The following FAM135B variants were observed in gnomAD, a reference collection of about 807,000 sequenced individuals.
The protein encoded by FAM135B is family with sequence similarity 135 member B, also known as protein FAM135B.
In FAM135B, 43 loss-of-function variants were observed where a neutral mutation model predicts 127.7. The observed-to-expected ratio is 0.34, with a 90% CI of 0.26 to 0.43. FAM135B has a LOEUF of 0.43. FAM135B is among the 20% of genes least tolerant of loss of function. FAM135B has a pLI of 1.00. For missense variants in FAM135B, 1,558 were observed against 1,725.6 expected (o/e 0.90, Z 1.72); for synonymous variants, 670 against 665.1 (o/e 1.01, Z -0.11).
intron 9 of FAM135B, among the ~76,000 whole-genome samples, chr8:138,184,073 G>C (rs1176844444): frequency 6.6e-6 from 1 of 152,342 alleles, no homozygotes; most frequent in Admixed American, 6.5e-5. Context: ...TCAGATCCCA[G>C]GATCTCAGAT....
chr8:138,214,576 G>A (rs1290444047), intron 7 of FAM135B, among the ~76,000 whole-genome samples: 1 of 152,152 alleles, frequency 6.6e-6, no homozygotes, highest in Admixed American at 6.5e-5. Flanking sequence ...AAAGATGTCT[G>A]CATCATTCTG....
intron 11 of FAM135B, among the ~76,000 whole-genome samples, chr8:138,168,414 TG>T (rs1157717329): frequency 6.6e-6 from 1 of 152,170 alleles, no homozygotes; most frequent in African/African-American, 2.4e-5. Context: ...AAAATGTAAA[TG>T]TATGTATCTT....
intron 1 of FAM135B, chr8:138,459,451 C>T (rs1045708001): frequency 6.6e-6 from 1 of 152,196 alleles, no homozygotes; most frequent in Non-Finnish European, 1.5e-5. Flanking sequence ...CCGTGACAGT[C>T]TGTCACTAGA....
At chr8:138,293,315 A>G (rs1038882967) in intron 3 of FAM135B, among the ~76,000 whole-genome samples, 21 of 152,134 alleles carry the variant, frequency 1.4e-4, no homozygotes, top group Non-Finnish European at 2.5e-4. Context: ...ACAACCTAGG[A>G]AAAACTCTTC....
chr8:138,224,687 C>T (rs1311271445), intron 7 of FAM135B, among the ~76,000 whole-genome samples: 4 of 152,074 alleles, frequency 2.6e-5, no homozygotes, highest in African/African-American at 4.8e-5. Context: ...CCCCAAAGTT[C>T]GTATGTTGAA....
chr8:138,376,787 A>T (rs957086087), intron 1 of FAM135B, among the ~76,000 whole-genome samples: 2 of 152,234 alleles, frequency 1.3e-5, no homozygotes, highest in Non-Finnish European at 2.9e-5. Flanking sequence ...TCAGTCACTC[A>T]TCATCAGTAG....
At chr8:138,373,724 G>A (rs1349620997) in intron 1 of FAM135B, among the ~76,000 whole-genome samples, 4 of 152,166 alleles carry the variant, frequency 2.6e-5, no homozygotes, top group African/African-American at 9.6e-5. Context: ...CCCTGAGGGT[G>A]AGTCTCTAAA....
intron 2 of FAM135B, among the ~76,000 whole-genome samples, chr8:138,347,580 TA>T (rs2131096604): frequency 6.6e-6 from 1 of 152,326 alleles, no homozygotes; most frequent in African/African-American, 2.4e-5. Flanking sequence ...GCTGCTTTTA[TA>T]ATTAACAGCC....
intron 1 of FAM135B, among the ~76,000 whole-genome samples, chr8:138,447,494 G>A (rs1836245359): frequency 1.3e-5 from 2 of 152,156 alleles, no homozygotes; most frequent in African/African-American, 4.8e-5. Flanking sequence ...ATGAGTTCAT[G>A]TCCTTCGTAG....
intron 1 of FAM135B, among the ~76,000 whole-genome samples, chr8:138,429,918 A>C (rs1835102599): frequency 6.6e-6 from 1 of 152,170 alleles, no homozygotes. Context: ...TCTAGGTCAT[A>C]CAGTCATACA....
intron 2 of FAM135B, among the ~76,000 whole-genome samples, chr8:138,314,180 C>T (rs1329160888): frequency 6.6e-6 from 1 of 152,090 alleles, no homozygotes; most frequent in African/African-American, 2.4e-5. Flanking sequence ...AATGAATCAA[C>T]AGTACATATT....
chr8:138,384,229 C>G (rs1043164378), intron 1 of FAM135B, among the ~76,000 whole-genome samples: 2 of 152,154 alleles, frequency 1.3e-5, no homozygotes, highest in Non-Finnish European at 2.9e-5. Flanking sequence ...TGCAATGGGC[C>G]GGGCCTACCC....
intron 2 of FAM135B, among the ~76,000 whole-genome samples, chr8:138,350,207 G>T (rs148469984): frequency 3.3e-5 from 5 of 152,224 alleles, no homozygotes; most frequent in Non-Finnish European, 5.9e-5. Flanking sequence ...ATATTTCAAA[G>T]ATGAAACCCA....
chr8:138,445,421 C>A (rs994068761), intron 1 of FAM135B, among the ~76,000 whole-genome samples: 23 of 152,238 alleles, frequency 1.5e-4, no homozygotes, highest in East Asian at 3.9e-4. Flanking sequence ...ACTGGCAAAC[C>A]AAATCCAGCA....
At chr8:138,336,464 G>T (rs1193446195) in intron 2 of FAM135B, among the ~76,000 whole-genome samples, 1 of 151,980 alleles carries the variant, frequency 6.6e-6, no homozygotes, top group Admixed American at 6.6e-5. Flanking sequence ...TACCATCAGA[G>T]AATACTATAA....
intron 6 of FAM135B, among the ~76,000 whole-genome samples, chr8:138,245,942 C>T (rs764810571): frequency 5.9e-5 from 9 of 152,140 alleles, no homozygotes; most frequent in Admixed American, 4.6e-4. Flanking sequence ...GAAGTCCAAG[C>T]TGAGGTGTCT....
chr8:138,492,249 G>A (rs1335737107), intron 1 of FAM135B, among the ~76,000 whole-genome samples: 2 of 151,950 alleles, frequency 1.3e-5, no homozygotes, highest in Non-Finnish European at 2.9e-5. Flanking sequence ...CCTTCCTCTT[G>A]ACCTATCAAT....
At chr8:138,161,497 C>T (rs1179851175) in intron 12 of FAM135B, among the ~76,000 whole-genome samples, 2 of 151,178 alleles carry the variant, frequency 1.3e-5, no homozygotes. Flanking sequence ...ATACACCAAA[C>T]AAAAAAAAGG....
intron 2 of FAM135B, among the ~76,000 whole-genome samples, chr8:138,360,703 T>C (rs772556844): frequency 2.0e-5 from 3 of 152,220 alleles, no homozygotes; most frequent in Non-Finnish European, 4.4e-5. Flanking sequence ...TCGGTCCCAC[T>C]GTGAAGATTT....
Sources: gnomAD v4.1 joint callset for allele counts (sites outside exome capture counted in the v4.1 genomes callset) on GRCh38, gnomAD v4.1.1 for gene constraint, MANE v1.5 for transcripts, NCBI Gene and HGNC (gene_info 2026-07-23, HGNC 2026-07-21) for gene names.